Variants in AKNA observed in about 807,000 individuals in gnomAD.
AKNA encodes AT-hook transcription factor.
In AKNA, 67 loss-of-function variants were observed where a neutral mutation model predicts 138.8. That is an observed-to-expected ratio of 0.48 (90% CI 0.40 to 0.59). The LOEUF (loss-of-function observed/expected upper bound fraction) is 0.59, where lower values mean the gene tolerates loss of function less well. Ranked by LOEUF, AKNA falls within the 20% of genes least tolerant of loss-of-function variation. The pLI is 0.00. For synonymous variants in AKNA, 737 were observed against 754.4 expected (o/e 0.98, Z 0.38); for missense variants, 1,813 against 1,880.4 (o/e 0.96, Z 0.66).
chr9:114,369,365 T>C (rs1832600203), intron 4 of AKNA, among the ~76,000 whole-genome samples: 1 of 152,244 alleles, frequency 6.6e-6, no homozygotes, highest in South Asian at 2.1e-4. Flanking sequence ...GTGTTGTCTA[T>C]GGCTGCTTTC....
At chr9:114,357,224 G>A (rs1720609089) in intron 12 of AKNA, among the ~76,000 whole-genome samples, 1 of 152,216 alleles carries the variant, frequency 6.6e-6, no homozygotes, top group Admixed American at 6.5e-5. Context: ...GTGGCAGCCA[G>A]AGCCCTTGGG....
upstream of AKNA, among the ~76,000 whole-genome samples, chr9:114,392,381 A>T (rs1439778298): frequency 6.6e-6 from 1 of 152,232 alleles, no homozygotes; most frequent in Non-Finnish European, 1.5e-5. Context: ...TGCCATGCAG[A>T]CAGGAGGCTG....
At position 114,359,807 on chromosome 9, in the gene AKNA, A is replaced by G; in HGVS notation, c.2292-13T>C. The stretch of plus-strand genomic sequence containing the variant: ...CACACTGAGGTACCTGCAGAAGAAC[A>G]CACAGAGGGGCATGACCTCTGCCCA... On this transcript the variant is annotated splice_polypyrimidine_tract_variant and intron_variant, in intron 10 of 21. Coordinates refer to ENST00000374088, the MANE Select transcript of AKNA (RefSeq NM_001317950.2). 6.2e-7 allele frequency: 1 copy of G among 1,603,120 alleles called. No individual in the cohort carries two copies. The highest frequency in any genetic ancestry group is 2.2e-5 in the East Asian group (1 of 44,716).
downstream of AKNA, among the ~76,000 whole-genome samples, chr9:114,332,299 G>A (rs887997120): frequency 1.3e-5 from 2 of 152,044 alleles, no homozygotes; most frequent in African/African-American, 4.8e-5. Context: ...TTTAATACCC[G>A]TGCAGTGGGG....
At chr9:114,372,172 G>C (rs1832814579) in intron 4 of AKNA, among the ~76,000 whole-genome samples, 1 of 152,206 alleles carries the variant, frequency 6.6e-6, no homozygotes, top group African/African-American at 2.4e-5. Flanking sequence ...GAGGCTGAGA[G>C]AGGGGTTGGG....
At chr9:114,337,709 C>T (rs1018768354) in intron 21 of AKNA, among the ~76,000 whole-genome samples, 2 of 152,040 alleles carry the variant, frequency 1.3e-5, no homozygotes, top group African/African-American at 4.8e-5. Flanking sequence ...GATAGCAAAA[C>T]CCCCTCATGG....
chr9:114,360,282 A>T (rs113626518), intron 9 of AKNA, among the ~76,000 whole-genome samples: 1 of 152,258 alleles, frequency 6.6e-6, no homozygotes, highest in Non-Finnish European at 1.5e-5. Context: ...TGTGCCAGGC[A>T]CCATACAGAT....
In AKNA at chr9:114,359,540, C is replaced by G. The variant is rs748888499; in HGVS notation, c.2492+54G>C. 2.5e-6 allele frequency: 4 copies of G among 1,613,074 alleles called. No individual in the cohort carries two copies. The East Asian group carries it at 8.9e-5, about 36-fold the overall frequency. On this transcript the variant is annotated intron_variant, in intron 11 of 21. Transcript: ENST00000374088. ...CTTATTCACTCTGACAGTGATCATC[C>G]CTGTGGTTTTAGGGTGGAAACAAAC...
At chr9:114,367,787 A>C in intron 5 of AKNA, 90 bp from the exon 6 acceptor site, 30 of 1,401,824 alleles carry the variant, frequency 2.1e-5, no homozygotes, top group Non-Finnish European at 2.6e-5. Flanking sequence ...CACCACCTCC[A>C]TCATCAAGTT....
intron 19 of AKNA, 135 bp downstream of exon 19, chr9:114,343,573 C>T: frequency 2.4e-6 from 2 of 850,722 alleles, no homozygotes; most frequent in Non-Finnish European, 1.9e-6. Context: ...CCAGAAAAAT[C>T]CTCTTCCCTG....
chr9:114,331,399 C>T (rs555919799), downstream of AKNA, among the ~76,000 whole-genome samples: 3 of 152,132 alleles, frequency 2.0e-5, no homozygotes, highest in Admixed American at 6.5e-5. Flanking sequence ...AAGTGCTTGG[C>T]GTGGAGCTGG....
rs1443789240 is a variant in AKNA at position 114,334,637 on chromosome 9, C to T, written c.*2417G>A. The T allele has an allele frequency of 6.8e-6, 1 of 147,300 alleles. No homozygotes were observed. Among genetic ancestry groups the T allele is most frequent in the Non-Finnish European group, 1.5e-5 (1 of 67,956 alleles). 9.1% of individuals were successfully genotyped at this position (147,300 alleles called of 1,614,324 possible). The stretch of plus-strand genomic sequence containing the variant: ...CACAAAGGGCCGGCCTCACCCCAAC[C>T]TGGGTGCTCGTGATTGACAGCCTCT... On this transcript the variant is annotated 3_prime_UTR_variant, in exon 22 of 22. Coordinates refer to ENST00000374088, the MANE Select transcript of AKNA (RefSeq NM_001317950.2).
At chr9:114,356,486 C>A (rs1015123048) in intron 13 of AKNA, among the ~76,000 whole-genome samples, 1 of 152,308 alleles carries the variant, frequency 6.6e-6, no homozygotes, top group Admixed American at 6.5e-5. Context: ...CCACTCTTCA[C>A]CCCTGTCCCC....
rs1469506706 is a variant in AKNA at position 114,377,479 on chromosome 9, A to G, written c.328T>C (p.Trp110Arg). ...SPASSHEPLA[W>R]LPQQGRQLDM... ...AGCTGACGGCCCTGCTGGGGGAGCC[A>G]GGCAAGAGGCTCATGGGAACTTGCT... Residue 110 changes from tryptophan (W) to arginine (R), a missense_variant, in exon 3 of 22, where the codon TGG becomes CGG. Physicochemically the swap from Trp to Arg is moderately radical, Grantham distance 101. Transcript: ENST00000374088. 4 of 1,612,860 alleles carry G rather than the reference A, an allele frequency of 2.5e-6. No homozygotes were observed. The highest frequency in any genetic ancestry group is 3.4e-6 in the Non-Finnish European group (4 of 1,179,580).
chr9:114,361,883 C>G lies in AKNA; in HGVS notation c.1945G>C (p.Gly649Arg). 1 of 1,605,324 alleles carries G rather than the reference C, an allele frequency of 6.2e-7. No homozygotes were observed. ...RELEAEIYRLGSCLEELKEHI... is the reference protein window; with the variant it reads ...RELEAEIYRLRSCLEELKEHI... ...TCCTTCAGCTCTTCCAGGCAGCTTCCCAGACGGTATATCTCTGCCTCCAGC... is the reference window on the plus strand; with the variant it reads ...TCCTTCAGCTCTTCCAGGCAGCTTCGCAGACGGTATATCTCTGCCTCCAGC... Residue 649 changes from glycine to arginine, a missense_variant, in exon 9 of 22, where the codon GGA (glycine) becomes CGA (arginine). Physicochemically the swap from Gly to Arg is moderately radical, Grantham distance 125. Transcript: ENST00000374088.
At position 114,348,947 on chromosome 9, in the gene AKNA, G is replaced by A. The variant is rs764947167; in HGVS notation, c.3222-1047C>T. 2.0e-5 allele frequency: 9 copies of A among 456,160 alleles called. No homozygotes were observed. Among genetic ancestry groups the A allele is most frequent in the South Asian group, 4.6e-5 (3 of 64,578 alleles). 28.3% of individuals were successfully genotyped at this position (456,160 alleles called of 1,614,324 possible). ...GGTGCCGCCTCCAGCAGACATGAGC[G>A]CTCAGATGACTGTGTCAGAAGGAGT... On this transcript the variant is annotated intron_variant, in intron 15 of 21. Coordinates refer to ENST00000374088, the MANE Select transcript of AKNA (RefSeq NM_001317950.2).
At chr9:114,371,287 G>A (rs960921848) in intron 4 of AKNA, among the ~76,000 whole-genome samples, 1 of 152,232 alleles carries the variant, frequency 6.6e-6, no homozygotes, top group Non-Finnish European at 1.5e-5. Flanking sequence ...CTAGGCTGCC[G>A]AGTTCCAACT....
rs1441076283 is a variant in AKNA at position 114,334,360 on chromosome 9, C to A, written c.*2694G>T. 2.8e-5 allele frequency: 4 copies of A among 141,434 alleles called. 1 individual carries two copies. Among genetic ancestry groups the A allele is most frequent in the African/African-American group, 1.4e-4 (4 of 28,602 alleles). 8.8% of individuals were successfully genotyped at this position (141,434 alleles called of 1,614,324 possible). A position where few individuals can be genotyped will look rare whatever the true frequency, so the allele number is the denominator to read the frequency against. On this transcript the variant is annotated 3_prime_UTR_variant, in exon 22 of 22. Coordinates refer to ENST00000374088, the MANE Select transcript of AKNA (RefSeq NM_001317950.2). Reference sequence around the variant, plus strand: ...GTGAAGGCTGCTGTGGGCAACTAGGCAAGAGGCGGTTGCCTGGGCCAGGAC... The same window carrying A: ...GTGAAGGCTGCTGTGGGCAACTAGGAAAGAGGCGGTTGCCTGGGCCAGGAC...
downstream of AKNA, chr9:114,330,791 G>C (rs1829838249): frequency 6.2e-7 from 1 of 1,613,658 alleles, no homozygotes; most frequent in East Asian, 2.2e-5. Flanking sequence ...GTTGACTTTA[G>C]CCAGAACCAG....
Sources: allele counts gnomAD v4.1 joint callset (sites outside exome capture counted in the v4.1 genomes callset), GRCh38; gene constraint gnomAD v4.1.1; transcripts MANE v1.5; gene names NCBI Gene and HGNC (gene_info 2026-07-23, HGNC 2026-07-21).